The following PGF variants were observed in gnomAD, a reference collection of about 807,000 sequenced individuals.
The protein encoded by PGF is placental growth factor.
In PGF, 11 loss-of-function variants were observed where a neutral mutation model predicts 25.3. That is an observed-to-expected ratio of 0.43 (90% CI 0.27 to 0.72). The LOEUF is 0.72. PGF is among the 30% of genes least tolerant of loss of function. PGF has a pLI of 0.18. For synonymous variants in PGF, 105 were observed against 97.9 expected (o/e 1.07, Z -0.43); for missense variants, 230 against 234.9 (o/e 0.98, Z 0.14).
intron 6 of PGF, among the ~76,000 whole-genome samples, chr14:74,944,319 G>C (rs899049697): frequency 6.6e-6 from 1 of 151,838 alleles, no homozygotes; most frequent in Non-Finnish European, 1.5e-5. Flanking sequence ...AGCCAGGATG[G>C]TCTCGATCTC....
intron 3 of PGF, 130 bp from the exon 4 acceptor site, chr14:74,948,713 A>C (rs1888802153): frequency 1.9e-6 from 1 of 532,666 alleles, no homozygotes; most frequent in East Asian, 3.3e-5. Flanking sequence ...CCCTCACTCC[A>C]CTCTGAACGT....
rs913026336 is a variant in PGF, at chr14:74,941,868, G to C, written c.*838C>G. On this transcript the variant is annotated 3_prime_UTR_variant, in exon 7 of 7. Transcript: ENST00000555567. ...TAGAATACTTTATTCAAGAGAATCT[G>C]GCTTGGCAGTCAGATGGCCCTGCAG... The C allele has an allele frequency of 6.6e-6, 1 of 152,600 alleles. No individual in the cohort carries two copies. The allele number at this position is 152,600 out of a possible 1,614,324, so 9.5% of individuals were successfully genotyped here. A position where few individuals can be genotyped will look rare whatever the true frequency, so the allele number is the denominator to read the frequency against.
At chr14:74,944,612 C>T (rs1318405490) in intron 6 of PGF, 1 of 151,536 alleles carries the variant, frequency 6.6e-6, no homozygotes, top group Non-Finnish European at 1.5e-5. Flanking sequence ...GTGGATCTAT[C>T]TCGGCTCACT....
chr14:74,955,206 G>A lies in PGF; in HGVS notation c.37C>T (p.Leu13Phe). 6.7e-7 allele frequency: 1 copy of A among 1,489,996 alleles called. No homozygotes were observed. The highest frequency in any genetic ancestry group is 2.8e-5 in the East Asian group (1 of 35,806). 92.3% of individuals were successfully genotyped at this position (1,489,996 alleles called of 1,614,324 possible). Residue 13 changes from leucine to phenylalanine, a missense_variant, in exon 1 of 7, where the codon CTC (leucine) becomes TTC (phenylalanine). By Grantham distance (22) the Leu-to-Phe change is conservative (BLOSUM62 0). Coordinates refer to ENST00000555567, the MANE Select transcript of PGF (RefSeq NM_002632.6). This position sits in a 1 kb window ranked among gnomAD's most constrained non-coding sequence, Gnocchi z 4.1. ...GCAGGCAGCGCCAGCCCGGCCAGGA[G>A]CTGCAGGAAGCAAGGGAACAGCCTC... ...VMRLFPCFLQ[L>F]LAGLALPAVP...
upstream of PGF, chr14:74,955,654 G>A (rs1001548108): frequency 6.4e-6 from 1 of 157,312 alleles, no homozygotes; most frequent in African/African-American, 2.4e-5. The surrounding 1 kb of genome is among the most constrained non-coding windows in gnomAD (Gnocchi z 4.1). Context: ...CGGGGCTCCG[G>A]GCCGGCCCCG....
chr14:74,942,879 T>A (rs2140399472), intron 6 of PGF, 146 bp from the exon 7 acceptor site: 4 of 652,866 alleles, frequency 6.1e-6, no homozygotes, highest in Non-Finnish European at 1.0e-5. Flanking sequence ...CCTGCTTGCT[T>A]CAAGCTGAGG....
chr14:74,949,687 C>G (rs1355638210), intron 2 of PGF, 134 bp from the exon 3 acceptor site: 3 of 568,948 alleles, frequency 5.3e-6, no homozygotes, highest in Non-Finnish European at 8.7e-6. Context: ...ACTCTGAACT[C>G]CTAATGTGAT....
Position 74,942,602 on chromosome 14 carries a change from G to T in PGF, c.*104C>A, listed in dbSNP as rs112321036. 10,633 of 1,126,204 alleles carry T rather than the reference G, an allele frequency of 9.4e-3. 135 individuals carry two copies. Among genetic ancestry groups the T allele is most frequent in the Admixed American group, 0.038 (1,903 of 50,614 alleles). The allele number at this position is 1,126,204 out of a possible 1,614,324, so 69.8% of individuals were successfully genotyped here. ...GAGCGAGGCATTCAGCAGGGAAACA[G>T]TTGGCTAATAAATAGAGGGCAGGTA... On this transcript the variant is annotated 3_prime_UTR_variant, in exon 7 of 7. Transcript: ENST00000555567.
intron 2 of PGF, among the ~76,000 whole-genome samples, chr14:74,951,335 T>C (rs935364030): frequency 1.6e-4 from 24 of 152,312 alleles, no homozygotes; most frequent in Middle Eastern, 6.8e-3. Context: ...GCGCCCAAAG[T>C]GCAGGGAAGC....
intron 2 of PGF, among the ~76,000 whole-genome samples, chr14:74,952,013 GT>G (rs1249410020): frequency 2.6e-5 from 4 of 152,128 alleles, no homozygotes; most frequent in African/African-American, 9.7e-5. Context: ...CCGGGAGGGG[GT>G]GGAGGTGAGA....
At position 74,955,584 on chromosome 14, in the gene PGF, A is replaced by G. The variant is rs1888972745; in HGVS notation, c.-342T>C. 4.2e-6 allele frequency: 1 copy of G among 239,166 alleles called. No homozygotes were observed. The highest frequency in any genetic ancestry group is 8.0e-6 in the Non-Finnish European group (1 of 125,018). The allele number at this position is 239,166 out of a possible 1,614,324, so 14.8% of individuals were successfully genotyped here. The stretch of plus-strand genomic sequence containing the variant: ...CGTCGATGCAGTTTCCTCCGCAGAC[A>G]GCAGCTCCCTTCTGAGACTGCAGCC... On this transcript the variant is annotated 5_prime_UTR_variant, in exon 1 of 7. Transcript: ENST00000555567. This position sits in a 1 kb window ranked among gnomAD's most constrained non-coding sequence, Gnocchi z 4.1.
Position 74,949,545 on chromosome 14 carries a change from A to G in PGF, c.127T>C (p.Phe43Leu). The change falls in exon 3 of 7, where the codon TTC (phenylalanine) becomes CTC (leucine). Residue 43 changes from phenylalanine (F) to leucine (L), a missense_variant. Phe to Leu is a conservative substitution (Grantham distance 22). Transcript: ENST00000555567. ...TAGCTGCGGCCCCACACTTCCTGGA[A>G]GGGTACCACTGCGAGGAAGCAAGGG... ...NGSSEVEVVP[F>L]QEVWGRSYCR... 1 of 1,575,510 alleles carries G rather than the reference A, an allele frequency of 6.3e-7. No homozygotes were observed. The highest frequency in any genetic ancestry group is 8.6e-7 in the Non-Finnish European group (1 of 1,161,558).
chr14:74,951,673 G>A (rs1313431047), intron 2 of PGF, among the ~76,000 whole-genome samples: 1 of 152,214 alleles, frequency 6.6e-6, no homozygotes, highest in Non-Finnish European at 1.5e-5. Flanking sequence ...AGCAGAAGAA[G>A]GGATTTCCTT....
At position 74,950,482 on chromosome 14, in the gene PGF, C is replaced by T. The variant is rs929216047; in HGVS notation, c.119-929G>A. Among the ~76,000 whole-genome samples the T allele has an allele frequency of 2.6e-5, 4 of 152,226 alleles. No individual in the cohort carries two copies. The highest frequency in any genetic ancestry group is 1.9e-4 in the East Asian group (1 of 5,198). ...ATCATCCGGGTCATCCCTGACCTCA[C>T]GATGTCCTGGCGATCGTGAATGGGA... On this transcript the variant is annotated intron_variant, in intron 2 of 6. Coordinates refer to ENST00000555567, the MANE Select transcript of PGF (RefSeq NM_002632.6). The surrounding 1 kb of genome is among the most constrained non-coding windows in gnomAD (Gnocchi z 4.1).
In PGF at chr14:74,942,339, G is replaced by A. The variant is rs1888620562; in HGVS notation, c.*367C>T. 4.4e-6 allele frequency: 1 copy of A among 225,370 alleles called. No homozygotes were observed. The highest frequency in any genetic ancestry group is 6.0e-5 in the Admixed American group (1 of 16,614). 14.0% of individuals were successfully genotyped at this position (225,370 alleles called of 1,614,324 possible). On this transcript the variant is annotated 3_prime_UTR_variant, in exon 7 of 7. Transcript: ENST00000555567. ...GGAGCTCCGAAAGCAAGGGCTGCTTGTCTGTGCAGAGCCTGAGGCCCAAGA... is the reference window on the plus strand; with the variant it reads ...GGAGCTCCGAAAGCAAGGGCTGCTTATCTGTGCAGAGCCTGAGGCCCAAGA...
At chr14:74,949,774 C>T (rs1888832129) in intron 2 of PGF, among the ~76,000 whole-genome samples, 1 of 152,206 alleles carries the variant, frequency 6.6e-6, no homozygotes, top group Admixed American at 6.5e-5. Flanking sequence ...CTCAGGGTCC[C>T]AAGCTTTGCT....
intron 2 of PGF, among the ~76,000 whole-genome samples, chr14:74,952,005 G>A (rs568982278): frequency 6.6e-6 from 1 of 152,252 alleles, no homozygotes; most frequent in African/African-American, 2.4e-5. Flanking sequence ...GACCTGCTCC[G>A]GGAGGGGGTG....
intron 6 of PGF, among the ~76,000 whole-genome samples, chr14:74,944,174 C>T (rs181776266): frequency 6.8e-6 from 1 of 146,412 alleles, no homozygotes; most frequent in African/African-American, 2.6e-5. Flanking sequence ...GTGATCTCGG[C>T]TCACTGCAAG....
At chr14:74,948,984 T>C (rs1888808480) in intron 3 of PGF, among the ~76,000 whole-genome samples, 1 of 152,216 alleles carries the variant, frequency 6.6e-6, no homozygotes, top group South Asian at 2.1e-4. Context: ...CCTAGGACAG[T>C]GCTTGGCATT....
Sources: allele counts gnomAD v4.1 joint callset (sites outside exome capture counted in the v4.1 genomes callset), GRCh38; gene constraint gnomAD v4.1.1; non-coding constraint Gnocchi (gnomAD v3.1); transcripts MANE v1.5; gene names NCBI Gene and HGNC (gene_info 2026-07-23, HGNC 2026-07-21).